XIAP: variants seen among roughly 807,000 people sequenced by gnomAD.
XIAP encodes E3 ubiquitin-protein ligase XIAP.
Under a neutral mutation model 33.1 loss-of-function variants are expected in XIAP, and 3 were observed. That is an observed-to-expected ratio of 0.09 (90% CI 0.04 to 0.23). The LOEUF is 0.23. XIAP is among the 10% of genes least tolerant of loss of function. XIAP has a pLI of 1.00. For missense variants in XIAP, 264 were observed against 363.0 expected (o/e 0.73, Z 2.22); for synonymous variants, 98 against 121.3 (o/e 0.81, Z 1.26).
intron 6 of XIAP, among the ~76,000 whole-genome samples, chrX:123,905,722 T>TTTCAGAATAGTG (rs1300810485): frequency 8.9e-6 from 1 of 112,362 alleles, no homozygotes; most frequent in Non-Finnish European, 1.9e-5. Context: ...CCAAACATGT[T>TTTCAGAATAGTG]TTCAGAATAG....
chrX:123,864,710 T>C (rs1331490656), intron 1 of XIAP, among the ~76,000 whole-genome samples: 4 of 103,366 alleles, frequency 3.9e-5, no homozygotes, highest in African/African-American at 1.4e-4. Flanking sequence ...TCACCGTGTG[T>C]GTGTGTGTTT....
At chrX:123,863,971 A>G (rs2053104657) in intron 1 of XIAP, among the ~76,000 whole-genome samples, 2 of 111,443 alleles carry the variant, frequency 1.8e-5, no homozygotes, top group South Asian at 7.4e-4. Flanking sequence ...AGGCTGACAA[A>G]GTAATAATAT....
At chrX:123,896,633 T>A (rs1199380581) in intron 5 of XIAP, among the ~76,000 whole-genome samples, 1 of 107,538 alleles carries the variant, frequency 9.3e-6, no homozygotes, top group African/African-American at 3.4e-5. Flanking sequence ...CAGTCTGGAT[T>A]GCAGAGGCAT....
Position 123,867,076 on chromosome X carries a change from G to GTT in XIAP, c.-33+6793_-33+6794dup, listed in dbSNP as rs139190557. Among the ~76,000 whole-genome samples, 362 of 59,662 alleles carry GTT rather than the reference G, an allele frequency of 6.1e-3. 8 individuals carry two copies. Among genetic ancestry groups the GTT allele is most frequent in the Non-Finnish European group, 7.6e-3 (267 of 34,921 alleles). The allele number at this position is 59,662 out of a possible 115,157, so 51.8% of individuals were successfully genotyped here. On this transcript the variant is annotated intron_variant, in intron 1 of 6. Coordinates refer to ENST00000371199, the MANE Select transcript of XIAP (RefSeq NM_001167.4). ...TCAACATTCTATAGTTAACATTTCT[G>GTT]TTTTTTTTTTTGAGACGGAGTCTCG... is the stretch of plus-strand genomic sequence containing the variant.
intron 3 of XIAP, among the ~76,000 whole-genome samples, chrX:123,889,377 G>T (rs1266896618): frequency 9.4e-6 from 1 of 106,750 alleles, no homozygotes; most frequent in Non-Finnish European, 1.9e-5. Flanking sequence ...GCTAATTTTT[G>T]TATTTTTTAG....
In XIAP at chrX:123,908,710, A is replaced by G. The variant is rs1471851462; in HGVS notation, c.*1529A>G. 3 of 346,795 alleles carry G rather than the reference A, an allele frequency of 8.7e-6. No homozygotes were observed. Among genetic ancestry groups the G allele is most frequent in the Non-Finnish European group, 1.6e-5 (3 of 184,254 alleles). The allele number at this position is 346,795 out of a possible 1,213,427, so 28.6% of individuals were successfully genotyped here. On this transcript the variant is annotated 3_prime_UTR_variant, in exon 7 of 7. Transcript: ENST00000371199. ...AGATCCTTAAAACCTCTTGGAAATT[A>G]TAAAAATATTGGCAAGAAAAGAAGA... is the stretch of plus-strand genomic sequence containing the variant.
intron 1 of XIAP, among the ~76,000 whole-genome samples, chrX:123,883,359 C>G (rs1221780802): frequency 9.0e-6 from 1 of 111,381 alleles, no homozygotes; most frequent in African/African-American, 3.3e-5. Flanking sequence ...GCTGAGATTA[C>G]AGGCATGAGT....
At chrX:123,899,512 C>G (rs754772820) in intron 5 of XIAP, among the ~76,000 whole-genome samples, 2 of 108,269 alleles carry the variant, frequency 1.8e-5, no homozygotes, top group Admixed American at 1.0e-4. Context: ...AAAGTTCTTT[C>G]ATGCTCCTTC....
At chrX:123,863,317 G>A (rs1166796386) in intron 1 of XIAP, among the ~76,000 whole-genome samples, 2 of 108,266 alleles carry the variant, frequency 1.8e-5, no homozygotes, top group Non-Finnish European at 3.8e-5. Flanking sequence ...TGGGTGTGGC[G>A]GTACACCCCT....
At chrX:123,898,766 T>A (rs1194878568) in intron 5 of XIAP, among the ~76,000 whole-genome samples, 1 of 106,896 alleles carries the variant, frequency 9.4e-6, no homozygotes, top group Non-Finnish European at 1.9e-5. Context: ...GTGCTGGGAT[T>A]ACAGGTGTGA....
intron 1 of XIAP, among the ~76,000 whole-genome samples, chrX:123,869,386 C>CAAAAAAAAAAAAAAAAAAAAAAA (rs2053173664): frequency 1.9e-5 from 1 of 52,024 alleles, no homozygotes. Context: ...AAAAAAAAAG[C>CAAAAAAAAAAAAAAAAAAAAAAA]TGGGTCATGC....
At position 123,909,772 on chromosome X, in the gene XIAP, T is replaced by G. The variant is rs2053583454; in HGVS notation, c.*2591T>G. The G allele has an allele frequency of 3.0e-6, 1 of 328,082 alleles. No homozygotes were observed. Among genetic ancestry groups the G allele is most frequent in the African/African-American group, 2.7e-5 (1 of 37,703 alleles). 27.0% of individuals were successfully genotyped at this position (328,082 alleles called of 1,213,427 possible). A position where few individuals can be genotyped will look rare whatever the true frequency, so the allele number is the denominator to read the frequency against. ...GCTGATGTGGCTAACAAGTTTATTTTAAGAATTGTTTAGAAATGCTGTTGC... is the reference window on the plus strand; with the variant it reads ...GCTGATGTGGCTAACAAGTTTATTTGAAGAATTGTTTAGAAATGCTGTTGC... On this transcript the variant is annotated 3_prime_UTR_variant, in exon 7 of 7. Coordinates refer to ENST00000371199, the MANE Select transcript of XIAP (RefSeq NM_001167.4).
chrX:123,885,494 A>G, intron 1 of XIAP, 137 bp from the exon 2 acceptor site: 1 of 470,484 alleles, frequency 2.1e-6, no homozygotes, highest in Non-Finnish European at 3.5e-6. Context: ...GAACTCTAGT[A>G]TTTAGAATTA....
intron 3 of XIAP, among the ~76,000 whole-genome samples, chrX:123,889,082 G>T (rs1352289340): frequency 1.0e-5 from 1 of 97,128 alleles, no homozygotes; most frequent in Non-Finnish European, 2.1e-5. Context: ...CTGCCACCAT[G>T]CCTGGCTAAT....
chrX:123,888,764 C>T, intron 3 of XIAP, 46 bp downstream of exon 3: 2 of 1,071,118 alleles, frequency 1.9e-6, no homozygotes, highest in Non-Finnish European at 2.6e-6. Context: ...GGATAGCATG[C>T]AGTGGGAGAC....
intron 5 of XIAP, among the ~76,000 whole-genome samples, chrX:123,895,501 T>C (rs927896204): frequency 1.2e-5 from 1 of 81,971 alleles, no homozygotes; most frequent in South Asian, 7.3e-4. Flanking sequence ...GGTTATTCTA[T>C]ATTTAACCTT....
chrX:123,888,588 C>T, intron 2 of XIAP, 31 bp from the exon 3 acceptor site: 1 of 1,164,388 alleles, frequency 8.6e-7, no homozygotes, highest in Non-Finnish European at 1.2e-6. Flanking sequence ...TCTAATTGCA[C>T]AAATACATAT....
chrX:123,910,262 A>AG lies in XIAP; in HGVS notation c.*3081_*3082insG. 3.0e-6 allele frequency: 1 copy of AG among 329,337 alleles called. No individual in the cohort carries two copies. Among genetic ancestry groups the AG allele is most frequent in the Admixed American group, 3.1e-5 (1 of 32,164 alleles). The allele number at this position is 329,337 out of a possible 1,213,427, so 27.1% of individuals were successfully genotyped here. A position where few individuals can be genotyped will look rare whatever the true frequency, so the allele number is the denominator to read the frequency against. On this transcript the variant is annotated 3_prime_UTR_variant, in exon 7 of 7. Transcript: ENST00000371199. ...TCCCCTGTCCCTTTGATTACGGGCTAAGGTAGGGTAGAGTGGGTGTAGTGA... is the reference window on the plus strand; with the variant it reads ...TCCCCTGTCCCTTTGATTACGGGCTAGAGGTAGGGTAGAGTGGGTGTAGTGA...
chrX:123,892,982 G>A (rs878982759), intron 5 of XIAP, among the ~76,000 whole-genome samples: 1 of 109,353 alleles, frequency 9.1e-6, no homozygotes, highest in Non-Finnish European at 1.9e-5. Flanking sequence ...CACCATGCCC[G>A]GCTAACTTTT....
Sources: allele counts gnomAD v4.1 joint callset (sites outside exome capture counted in the v4.1 genomes callset), GRCh38; gene constraint gnomAD v4.1.1; transcripts MANE v1.5; gene names NCBI Gene and HGNC (gene_info 2026-07-23, HGNC 2026-07-21).